The following ELN variants were observed in gnomAD, a reference collection of about 807,000 sequenced individuals.
The protein encoded by ELN is tropoelastin.
In ELN, 65 loss-of-function variants were observed where a neutral mutation model predicts 105.8. The observed-to-expected ratio is 0.61, with a 90% confidence interval of 0.50 to 0.75. The LOEUF is 0.75. ELN is among the 30% of genes least tolerant of loss of function. The pLI is 0.00. For missense variants in ELN, 882 were observed against 969.4 expected (o/e 0.91, Z 1.20); for synonymous variants, 368 against 389.2 (o/e 0.95, Z 0.64).
intron 5 of ELN, among the ~76,000 whole-genome samples, chr7:74,042,397 C>T (rs553001667): frequency 1.3e-5 from 2 of 151,758 alleles, no homozygotes; most frequent in East Asian, 3.9e-4. Flanking sequence ...CACTGCACTC[C>T]AGCCTGGGTG....
chr7:74,037,835 G>A (rs1790338450), intron 4 of ELN, 96 bp downstream of exon 4: 5 of 1,539,904 alleles, frequency 3.2e-6, no homozygotes, highest in Non-Finnish European at 3.5e-6. Context: ...ACTAGGAACA[G>A]GACAAGGAAG....
intron 14 of ELN, 48 bp downstream of exon 14, chr7:74,048,249 C>T: frequency 6.2e-7 from 1 of 1,610,380 alleles, no homozygotes; most frequent in Non-Finnish European, 8.5e-7. Context: ...ACTGATCTTC[C>T]AGGCTCCAGA....
chr7:74,038,877 G>A (rs1172009149), intron 4 of ELN, among the ~76,000 whole-genome samples: 4 of 152,212 alleles, frequency 2.6e-5, no homozygotes, highest in Non-Finnish European at 5.9e-5. Context: ...GCGGGAGAAC[G>A]GGGTGCCTGG....
At position 74,065,699 on chromosome 7, in the gene ELN, C is replaced by T. The variant is rs142316834; in HGVS notation, c.1999C>T (p.Pro667Ser). Reference protein sequence around the residue: ...VPGVGGLGGIPPAAAAKAAKY... With the variant: ...VPGVGGLGGISPAAAAKAAKY... ...CATGTGCCTCATCTCCCCAGGTATA[C>T]CTCCAGCTGCAGCCGCTAAAGCAGC... Residue 667 changes from proline to serine, a missense_variant, in exon 30 of 33, where the codon CCT becomes TCT. Pro to Ser is a moderately conservative substitution (Grantham distance 74). Coordinates refer to ENST00000252034, the MANE Select transcript of ELN (RefSeq NM_000501.4). 563 of 1,613,806 alleles carry T rather than the reference C, an allele frequency of 3.5e-4. 4 individuals are homozygous for T. The Middle Eastern group carries it at 0.016, about 45-fold the overall frequency.
At chr7:74,038,486 C>T (rs782021355) in intron 4 of ELN, among the ~76,000 whole-genome samples, 6 of 152,236 alleles carry the variant, frequency 3.9e-5, no homozygotes, top group Non-Finnish European at 7.3e-5. Context: ...CCGGATCTAT[C>T]CTGGCCTCGC....
At chr7:74,046,157 G>A in intron 10 of ELN, 31 bp from the exon 11 acceptor site, 3 of 1,614,204 alleles carry the variant, frequency 1.9e-6, no homozygotes, top group Non-Finnish European at 2.5e-6. Context: ...CACAGTTCCA[G>A]GGCTGTAGTG....
chr7:74,047,630 G>A (rs782531336), intron 12 of ELN, 45 bp from the exon 13 acceptor site: 3 of 1,613,772 alleles, frequency 1.9e-6, no homozygotes, highest in Non-Finnish European at 2.5e-6. Flanking sequence ...TGGGAGCCCA[G>A]CAAGGCATGG....
At chr7:74,029,818 C>A (rs1788270220) in intron 1 of ELN, among the ~76,000 whole-genome samples, 1 of 152,212 alleles carries the variant, frequency 6.6e-6, no homozygotes, top group Non-Finnish European at 1.5e-5. Context: ...CATCAAGGAA[C>A]CTTGAGAATT....
In ELN at chr7:74,057,686, C is replaced by T. The variant is rs189952915; in HGVS notation, c.1404C>T (p.Ala468=). Residue 468 remains alanine (A), a synonymous_variant, in exon 22 of 33, where the codon GCC becomes GCT. Transcript: ENST00000252034. ...AAAAAKAAAK[A]AQFGLVPGVG... Reference sequence around the variant, plus strand: ...CAGCTGCTAAAGCAGCCGCCAAAGCCGCCCAGTTTGGTAAGTCCCCCTCAC... The same window carrying T: ...CAGCTGCTAAAGCAGCCGCCAAAGCTGCCCAGTTTGGTAAGTCCCCCTCAC... 58 of 1,613,468 alleles carry T rather than the reference C, an allele frequency of 3.6e-5. No homozygotes were observed. The East Asian group carries it at 5.3e-4, about 15-fold the overall frequency.
chr7:74,045,410 T>C lies in ELN; in HGVS notation c.541+117T>C. On this transcript the variant is annotated intron_variant, in intron 10 of 32. Transcript: ENST00000252034. Reference sequence around the variant, plus strand: ...CTCAGGGCCCTCTGGGTGACACTTTTTATGTTCCAGCCCTGGGCAGCCTGG... The same window carrying C: ...CTCAGGGCCCTCTGGGTGACACTTTCTATGTTCCAGCCCTGGGCAGCCTGG... The C allele has an allele frequency of 2.5e-6, 3 of 1,204,178 alleles. No individual in the cohort carries two copies. In the East Asian group the frequency reaches 7.6e-5, roughly 31 times the overall value. 74.6% of individuals were successfully genotyped at this position (1,204,178 alleles called of 1,614,324 possible).
At position 74,048,145 on chromosome 7, in the gene ELN, A is replaced by T. The variant is rs1411516655; in HGVS notation, c.689A>T (p.Tyr230Phe). Reference sequence around the variant, plus strand: ...ATCAAGCCTCTCTGTTTTGCAGGCTATGGGCCCGGAGGAGTGGCTGGTGCA... The same window carrying T: ...ATCAAGCCTCTCTGTTTTGCAGGCTTTGGGCCCGGAGGAGTGGCTGGTGCA... ...PYTTGKLPYG[Y>F]GPGGVAGAAG... The change falls in exon 14 of 33, where the codon TAT (tyrosine) becomes TTT (phenylalanine). Residue 230 changes from tyrosine to phenylalanine, a missense_variant. Tyr to Phe is a conservative substitution (Grantham distance 22, BLOSUM62 3). Coordinates refer to ENST00000252034, the MANE Select transcript of ELN (RefSeq NM_000501.4). 25 of 1,613,900 alleles carry T rather than the reference A, an allele frequency of 1.5e-5. No homozygotes were observed. The highest frequency in any genetic ancestry group is 2.0e-5 in the Non-Finnish European group (24 of 1,179,868).
At position 74,063,644 on chromosome 7, in the gene ELN, G is replaced by A. The variant is rs782184500; in HGVS notation, c.1942G>A (p.Gly648Arg). ...AGGCCTAGTGGGAGCCGCTGGGCTC[G>A]GAGGACTCGGAGTCGGAGGGCTTGG... ...QFGLVGAAGL[G>R]GLGVGGLGVP... The change falls in exon 29 of 33, where the codon GGA becomes AGA. Residue 648 changes from glycine to arginine, a missense_variant. By Grantham distance (125) the Gly-to-Arg change is moderately radical. Transcript: ENST00000252034. The surrounding 1 kb of genome is among the most constrained non-coding windows in gnomAD (Gnocchi z 4.1). 1.1e-5 allele frequency: 17 copies of A among 1,614,100 alleles called. No individual in the cohort carries two copies. Among genetic ancestry groups the A allele is most frequent in the African/African-American group, 2.7e-5 (2 of 74,934 alleles).
At chr7:74,044,685 G>A (rs1397563455) in intron 9 of ELN, among the ~76,000 whole-genome samples, 1 of 152,194 alleles carries the variant, frequency 6.6e-6, no homozygotes, top group African/African-American at 2.4e-5. Flanking sequence ...GATTTAGGCT[G>A]TTATGTGGGA....
chr7:74,057,019 C>A (rs1554680495), intron 21 of ELN, among the ~76,000 whole-genome samples: 1 of 152,056 alleles, frequency 6.6e-6, no homozygotes, highest in East Asian at 1.9e-4. Context: ...AGGTGGATCC[C>A]TTGAGGCCAG....
Position 74,065,751 on chromosome 7 carries a change from C to G in ELN, c.2032+19C>G. On this transcript the variant is annotated intron_variant, in intron 30 of 32. Transcript: ENST00000252034. Reference sequence around the variant, plus strand: ...AAATACGGTGAGTTCCCCTCTGATGCCTTCCTGCCAGTGGCCTGCACCCCC... The same window carrying G: ...AAATACGGTGAGTTCCCCTCTGATGGCTTCCTGCCAGTGGCCTGCACCCCC... 6.2e-7 allele frequency: 1 copy of G among 1,614,100 alleles called. No individual in the cohort carries two copies. The highest frequency in any genetic ancestry group is 8.5e-7 in the Non-Finnish European group (1 of 1,180,000).
chr7:74,030,890 C>T (rs1270627022), intron 1 of ELN, among the ~76,000 whole-genome samples: 3 of 152,146 alleles, frequency 2.0e-5, no homozygotes, highest in Non-Finnish European at 4.4e-5. Flanking sequence ...AGGTCGATCC[C>T]GCTCTGTGTG....
chr7:74,044,548 C>T (rs1457743499), intron 9 of ELN, among the ~76,000 whole-genome samples: 1 of 152,196 alleles, frequency 6.6e-6, no homozygotes, highest in Non-Finnish European at 1.5e-5. Context: ...CTGTGAGTCA[C>T]CAAGGGGCCA....
intron 9 of ELN, among the ~76,000 whole-genome samples, chr7:74,044,295 AC>A (rs1361058700): frequency 6.6e-6 from 1 of 151,526 alleles, no homozygotes; most frequent in African/African-American, 2.4e-5. Context: ...CCTCCCTAGT[AC>A]CCCCCTCGCC....
Position 74,069,060 on chromosome 7 carries a change from G to A in ELN, c.*360G>A, listed in dbSNP as rs1798582654. On this transcript the variant is annotated 3_prime_UTR_variant, in exon 33 of 33. Coordinates refer to ENST00000252034, the MANE Select transcript of ELN (RefSeq NM_000501.4). The stretch of plus-strand genomic sequence containing the variant: ...GGGAGGAGGGAAGGGTGGCCCCTCG[G>A]GGAACCCCCTACCTGGGGCTCCTCT... The A allele has an allele frequency of 2.4e-6, 1 of 415,698 alleles. No homozygotes were observed. The highest frequency in any genetic ancestry group is 2.0e-5 in the African/African-American group (1 of 50,534). The allele number at this position is 415,698 out of a possible 1,614,324, so 25.8% of individuals were successfully genotyped here.
Sources: allele counts gnomAD v4.1 joint callset (sites outside exome capture counted in the v4.1 genomes callset), GRCh38; gene constraint gnomAD v4.1.1; non-coding constraint Gnocchi (gnomAD v3.1); transcripts MANE v1.5; gene names NCBI Gene and HGNC (gene_info 2026-07-23, HGNC 2026-07-21).